ANKRD62: variants seen among roughly 807,000 people sequenced by gnomAD.
ANKRD62 encodes ankyrin repeat domain-containing protein 62.
In ANKRD62, 61 loss-of-function variants were observed where a neutral mutation model predicts 98.8. The observed-to-expected ratio is 0.62, with a 90% confidence interval of 0.50 to 0.76. ANKRD62 has a LOEUF of 0.76. Ranked by LOEUF, ANKRD62 falls within the 30% of genes least tolerant of loss-of-function variation. The pLI is 0.00. For missense variants in ANKRD62, 933 were observed against 1,082.9 expected (o/e 0.86, Z 1.94); for synonymous variants, 341 against 367.9 (o/e 0.93, Z 0.84).
chr18:12,100,321 T>C (rs1031011533), intron 6 of ANKRD62, among the ~76,000 whole-genome samples: 2 of 152,164 alleles, frequency 1.3e-5, no homozygotes, highest in Non-Finnish European at 2.9e-5. Flanking sequence ...AAGAATATAT[T>C]TTTATTCAGT....
intron 6 of ANKRD62, chr18:12,102,382 A>G (rs990805507): frequency 3.6e-5 from 21 of 589,818 alleles, no homozygotes; most frequent in Non-Finnish European, 6.1e-5. Context: ...ATGCTGAGAT[A>G]GGAGCAGGTG....
the ANKRD62 span, among the ~76,000 whole-genome samples, chr18:12,154,372 A>T: frequency 4.6e-5 from 7 of 152,228 alleles, no homozygotes; most frequent in East Asian, 1.2e-3. Flanking sequence ...GATCAGAGAA[A>T]TGCAAATCAA....
At position 12,099,699 on chromosome 18, in the gene ANKRD62, T is replaced by C; in HGVS notation, c.820+17T>C. The C allele has an allele frequency of 1.4e-6, 2 of 1,400,692 alleles. No individual in the cohort carries two copies. Among genetic ancestry groups the C allele is most frequent in the Non-Finnish European group, 1.9e-6 (2 of 1,056,088 alleles). 86.8% of individuals were successfully genotyped at this position (1,400,692 alleles called of 1,614,324 possible). The stretch of plus-strand genomic sequence containing the variant: ...GCAATTCAGGTATGACTTCTGATAG[T>C]GAATTCCTCTCGATGGTCCTGTCAT... On this transcript the variant is annotated intron_variant, in intron 6 of 13. Transcript: ENST00000587848.
the ANKRD62 span, among the ~76,000 whole-genome samples, chr18:12,141,366 C>T: frequency 2.6e-5 from 4 of 152,220 alleles, no homozygotes; most frequent in Admixed American, 6.5e-5. Context: ...CTGTCTGGCA[C>T]TACCCCATGA....
rs972863163 is a variant in ANKRD62, at chr18:12,114,437, G to A, written c.1065-651G>A. ...TTACTTTCATAGCATATTGCGAAAC[G>A]CATGTTTTGGAGCCAAAGTTCTTGG... is the stretch of plus-strand genomic sequence containing the variant. On this transcript the variant is annotated intron_variant, in intron 8 of 13. Transcript: ENST00000587848. 1.1e-3 allele frequency among the ~76,000 whole-genome samples: 175 copies of A among 152,226 alleles called. 3 individuals carry two copies. Among genetic ancestry groups the A allele is most frequent in the Non-Finnish European group, 1.3e-4 (9 of 68,018 alleles).
At chr18:12,177,179 C>T in the ANKRD62 span, among the ~76,000 whole-genome samples, 1 of 150,084 alleles carries the variant, frequency 6.7e-6, no homozygotes, top group Non-Finnish European at 1.5e-5. Flanking sequence ...AAAAAATCAC[C>T]CTATCAGCCT....
In ANKRD62 at chr18:12,107,513, T is replaced by C. The variant is rs1043880142; in HGVS notation, c.1064+46T>C. 14 of 1,296,984 alleles carry C rather than the reference T, an allele frequency of 1.1e-5. No individual in the cohort carries two copies. In the African/African-American group the frequency reaches 2.1e-4, roughly 20 times the overall value. The allele number at this position is 1,296,984 out of a possible 1,614,324, so 80.3% of individuals were successfully genotyped here. The stretch of plus-strand genomic sequence containing the variant: ...AACAGCGGATCACTGTTAATTGTAC[T>C]ATAAAATGAATTCTAATTTGGGTTA... On this transcript the variant is annotated intron_variant, in intron 8 of 13. Coordinates refer to ENST00000587848, the MANE Select transcript of ANKRD62 (RefSeq NM_001277333.2).
intron 11 of ANKRD62, among the ~76,000 whole-genome samples, chr18:12,123,031 G>GTT (rs34884853): frequency 1.6e-4 from 24 of 151,156 alleles, no homozygotes; most frequent in South Asian, 4.2e-4. Context: ...AAATTAACCA[G>GTT]TTTTTTTTGT....
downstream of ANKRD62, among the ~76,000 whole-genome samples, chr18:12,132,855 A>G (rs1300151085): frequency 1.3e-5 from 2 of 152,108 alleles, no homozygotes; most frequent in Non-Finnish European, 2.9e-5. Context: ...TTTTAGTTCA[A>G]ATCTTGTATT....
the ANKRD62 span, among the ~76,000 whole-genome samples, chr18:12,153,533 A>G: frequency 1.3e-5 from 2 of 151,082 alleles, no homozygotes; most frequent in African/African-American, 4.9e-5. Context: ...CTGAGGTTTC[A>G]GTGAGCCAGG....
the ANKRD62 span, among the ~76,000 whole-genome samples, chr18:12,166,008 T>C: frequency 3.9e-5 from 6 of 152,298 alleles, no homozygotes; most frequent in East Asian, 1.2e-3. Context: ...CTGTCAGGTA[T>C]ATTGTAGCTC....
chr18:12,164,078 T>C, the ANKRD62 span, among the ~76,000 whole-genome samples: 1 of 151,996 alleles, frequency 6.6e-6, no homozygotes, highest in African/African-American at 2.4e-5. Context: ...TTGAGTAGGA[T>C]TGGTATTAAT....
At chr18:12,102,601 TTGTC>T (rs547621175) in intron 6 of ANKRD62, 134 of 471,844 alleles carry the variant, frequency 2.8e-4, no homozygotes, top group Non-Finnish European at 3.8e-4. Flanking sequence ...ATAAAACTGT[TTGTC>T]TGGGGAAAGA....
In ANKRD62 at chr18:12,125,885, G is replaced by C; in HGVS notation, c.2064G>C (p.Trp688Cys). ...CTTTCCAGAGCACAGTGAATGAATG[G>C]TGTCATTTACAAGAAGACACTAATT... ...QLAFQSTVNE[W>C]CHLQEDTNSH... The change falls in exon 13 of 14, where the codon TGG becomes TGC. Residue 688 changes from tryptophan to cysteine, a missense_variant. By Grantham distance (215) the Trp-to-Cys change is radical. Transcript: ENST00000587848. 6 of 1,543,626 alleles carry C rather than the reference G, an allele frequency of 3.9e-6. No homozygotes were observed. Among genetic ancestry groups the C allele is most frequent in the Non-Finnish European group, 5.2e-6 (6 of 1,147,086 alleles).
the ANKRD62 span, among the ~76,000 whole-genome samples, chr18:12,171,741 C>G: frequency 1.3e-5 from 2 of 152,228 alleles, no homozygotes; most frequent in East Asian, 3.8e-4. Context: ...TGTTTTCCAA[C>G]TTGGTTCCAT....
chr18:12,168,439 A>T, the ANKRD62 span, among the ~76,000 whole-genome samples: 17 of 152,108 alleles, frequency 1.1e-4, no homozygotes, highest in African/African-American at 3.9e-4. Context: ...AAGATCAGAT[A>T]GTTGTAGATA....
At chr18:12,175,215 T>G in the ANKRD62 span, among the ~76,000 whole-genome samples, 382 of 151,432 alleles carry the variant, frequency 2.5e-3, 1 homozygote, top group African/African-American at 7.9e-3. Context: ...GCATGAGCAG[T>G]AGTGGTCACT....
At chr18:12,167,378 A>G in the ANKRD62 span, among the ~76,000 whole-genome samples, 53 of 152,178 alleles carry the variant, frequency 3.5e-4, no homozygotes, top group Admixed American at 3.3e-4. Context: ...GAGTGAGAAC[A>G]TGTGGTGTTT....
the ANKRD62 span, among the ~76,000 whole-genome samples, chr18:12,140,001 G>C: frequency 4.6e-5 from 7 of 152,152 alleles, no homozygotes; most frequent in South Asian, 1.5e-3. Flanking sequence ...ATGTAGATTT[G>C]GTCTTTTCAC....
Sources: allele counts gnomAD v4.1 joint callset (sites outside exome capture counted in the v4.1 genomes callset), GRCh38; gene constraint gnomAD v4.1.1; transcripts MANE v1.5; gene names NCBI Gene and HGNC (gene_info 2026-07-23, HGNC 2026-07-21).